The following SOBP variants were observed in gnomAD, a reference collection of about 807,000 sequenced individuals.
The protein encoded by SOBP is sine oculis-binding protein homolog.
In SOBP, 4 loss-of-function variants were observed where a neutral mutation model predicts 53.6. The observed-to-expected ratio is 0.07, with a 90% CI of 0.04 to 0.17. The LOEUF is 0.17. Ranked by LOEUF, SOBP falls within the 10% of genes least tolerant of loss-of-function variation. The probability of loss-of-function intolerance (pLI) is 1.00; values close to 1 mark genes in which losing one functional copy is unlikely to be tolerated. For synonymous variants in SOBP, 584 were observed against 522.6 expected (o/e 1.12, Z -1.60); for missense variants, 1,088 against 1,204.7 (o/e 0.90, Z 1.43).
chr6:107,554,898 G>A (rs1784565304), intron 4 of SOBP, among the ~76,000 whole-genome samples: 1 of 152,176 alleles, frequency 6.6e-6, no homozygotes, highest in Non-Finnish European at 1.5e-5. Flanking sequence ...TATTCTGTGA[G>A]CCTGGCTGGG....
intron 1 of SOBP, among the ~76,000 whole-genome samples, chr6:107,494,724 C>T (rs183842192): frequency 1.9e-3 from 283 of 152,308 alleles, no homozygotes; most frequent in Middle Eastern, 6.8e-3. Flanking sequence ...AAGAAGTTTT[C>T]TGTCTATAAA....
chr6:107,656,671 C>T lies in SOBP; in HGVS notation c.*4-1536C>T, dbSNP rs1017818186. 2.0e-5 allele frequency among the ~76,000 whole-genome samples: 3 copies of T among 152,216 alleles called. No individual in the cohort carries two copies. The East Asian group carries it at 5.8e-4, about 29-fold the overall frequency. On this transcript the variant is annotated intron_variant, in intron 6 of 6. Transcript: ENST00000317357. ...GATTTAGATAGCAGGGTTCAAAGCA[C>T]AAGCTTCCACTTAGTCCTCCCAATG...
rs565947510 is a variant in SOBP, at chr6:107,542,727, A to C, written c.573+9117A>C. ...TAGCAAAAGTGTATTGAACCAATTT[A>C]GTTTTTTGTGTGTGTGGTTTTGTTT... On this transcript the variant is annotated intron_variant, in intron 4 of 6. Transcript: ENST00000317357. 3.9e-5 allele frequency among the ~76,000 whole-genome samples: 6 copies of C among 151,976 alleles called. No individual in the cohort carries two copies. In the East Asian group the frequency reaches 9.6e-4, roughly 24 times the overall value.
At chr6:107,609,693 G>C (rs930733520) in intron 5 of SOBP, among the ~76,000 whole-genome samples, 2 of 152,084 alleles carry the variant, frequency 1.3e-5, no homozygotes, top group Admixed American at 6.5e-5. Context: ...TTGTTGCCTA[G>C]CTCCGTTATG....
At chr6:107,504,593 G>A (rs1384460736) in intron 2 of SOBP, among the ~76,000 whole-genome samples, 2 of 152,166 alleles carry the variant, frequency 1.3e-5, no homozygotes, top group Non-Finnish European at 2.9e-5. Context: ...TAAAATGTGG[G>A]TAAAACAAAT....
chr6:107,500,884 A>G (rs2114941120), intron 1 of SOBP, among the ~76,000 whole-genome samples: 1 of 152,324 alleles, frequency 6.6e-6, no homozygotes, highest in South Asian at 2.1e-4. Context: ...AATAGTGTAT[A>G]CAACAGAAGT....
At chr6:107,549,607 C>T (rs1413809430) in intron 4 of SOBP, among the ~76,000 whole-genome samples, 5 of 151,794 alleles carry the variant, frequency 3.3e-5, no homozygotes, top group African/African-American at 7.3e-5. Flanking sequence ...CATTCAAGCC[C>T]TTTTGCTCAT....
chr6:107,581,197 A>G (rs1208788783), intron 4 of SOBP, among the ~76,000 whole-genome samples: 1 of 152,232 alleles, frequency 6.6e-6, no homozygotes, highest in African/African-American at 2.4e-5. Context: ...ATGGAAATAC[A>G]GGGACAGAGG....
rs1313483726 is a variant in SOBP at position 107,522,537 on chromosome 6, C to T, written c.422-10922C>T. 7.0e-4 allele frequency among the ~76,000 whole-genome samples: 52 copies of T among 74,114 alleles called. 1 individual carries two copies. In the East Asian group the frequency reaches 0.01, roughly 14 times the overall value. The allele number at this position is 74,114 out of a possible 152,430, so 48.6% of individuals were successfully genotyped here. On this transcript the variant is annotated intron_variant, in intron 3 of 6. Transcript: ENST00000317357. ...TGAATGATTGGGTGTAGTATAAAAA[C>T]TTTTTTTTTTTTTTTTTTTTTTGTG...
In SOBP at chr6:107,606,563, G is replaced by A. The variant is rs576066297; in HGVS notation, c.669+19388G>A. Among the ~76,000 whole-genome samples the A allele has an allele frequency of 7.2e-5, 11 of 152,332 alleles. No individual in the cohort carries two copies. In the South Asian group the frequency reaches 2.3e-3, roughly 32 times the overall value. ...TTGATGTCTGAGCTTTAGGGCTCCAGCTGTGGGGGAAAAGGCGAGGCAGCT... is the reference window on the plus strand; with the variant it reads ...TTGATGTCTGAGCTTTAGGGCTCCAACTGTGGGGGAAAAGGCGAGGCAGCT... On this transcript the variant is annotated intron_variant, in intron 5 of 6. Transcript: ENST00000317357.
intron 3 of SOBP, among the ~76,000 whole-genome samples, chr6:107,521,943 CACACACACACACACACAA>C (rs1213118615): frequency 1.2e-4 from 18 of 149,860 alleles, no homozygotes; most frequent in African/African-American, 4.2e-4. Context: ...CACACACACA[CACACACACACACACACAA>C]ACTCAATCAA....
chr6:107,596,876 A>G (rs926965648), intron 5 of SOBP, among the ~76,000 whole-genome samples: 2 of 152,202 alleles, frequency 1.3e-5, no homozygotes, highest in African/African-American at 4.8e-5. Flanking sequence ...CCCAACCTAC[A>G]GAAGAGACAA....
At chr6:107,495,720 C>G (rs1417560452) in intron 1 of SOBP, among the ~76,000 whole-genome samples, 1 of 152,106 alleles carries the variant, frequency 6.6e-6, no homozygotes, top group Non-Finnish European at 1.5e-5. Context: ...TATTAGTGAG[C>G]ACAGTGGCTC....
At chr6:107,508,758 G>C (rs73514993) in intron 3 of SOBP, among the ~76,000 whole-genome samples, 1 of 152,096 alleles carries the variant, frequency 6.6e-6, no homozygotes, top group African/African-American at 2.4e-5. Context: ...TTTGTGATAC[G>C]GAGGGGTCCA....
At chr6:107,524,658 G>T (rs538156716) in intron 3 of SOBP, among the ~76,000 whole-genome samples, 1 of 152,216 alleles carries the variant, frequency 6.6e-6, no homozygotes, top group Non-Finnish European at 1.5e-5. Flanking sequence ...AGTAGGTGTT[G>T]GTCAATGTGC....
chr6:107,505,980 C>T (rs1177852072), intron 2 of SOBP, among the ~76,000 whole-genome samples: 1 of 152,170 alleles, frequency 6.6e-6, no homozygotes, highest in Non-Finnish European at 1.5e-5. Flanking sequence ...TGGAATTTTA[C>T]AGTGCTAAAA....
chr6:107,646,518 C>T (rs913605704), intron 6 of SOBP, among the ~76,000 whole-genome samples: 37 of 152,180 alleles, frequency 2.4e-4, no homozygotes, highest in Admixed American at 1.8e-3. Context: ...GCGGACTTCA[C>T]GAATGTGGAA....
Position 107,587,136 on chromosome 6 carries a change from A to G in SOBP, c.630A>G (p.Glu210=). 1 of 1,613,730 alleles carries G rather than the reference A, an allele frequency of 6.2e-7. No individual in the cohort carries two copies. Among genetic ancestry groups the G allele is most frequent in the Non-Finnish European group, 8.5e-7 (1 of 1,179,786 alleles). The stretch of plus-strand genomic sequence containing the variant: ...TTCCCCAGCAGCACTATGCTAAGGA[A>G]ACTCCAAGGCTTGCCTTCAAGAATA... ...ENFPQQHYAK[E]TPRLAFKNNC... is the part of the protein sequence containing the mutation. The change falls in exon 5 of 7, where the codon GAA becomes GAG. Residue 210 remains glutamate, a synonymous_variant. Coordinates refer to ENST00000317357, the MANE Select transcript of SOBP (RefSeq NM_018013.4).
At chr6:107,615,868 A>G (rs1201848258) in intron 5 of SOBP, among the ~76,000 whole-genome samples, 1 of 151,624 alleles carries the variant, frequency 6.6e-6, no homozygotes, top group Non-Finnish European at 1.5e-5. Context: ...AAAAAAATTT[A>G]TAAATTATCC....
Sources: gnomAD v4.1 joint callset for allele counts (sites outside exome capture counted in the v4.1 genomes callset) on GRCh38, gnomAD v4.1.1 for gene constraint, MANE v1.5 for transcripts, NCBI Gene and HGNC (gene_info 2026-07-23, HGNC 2026-07-21) for gene names.